The following ATRNL1 variants were observed in gnomAD, a reference collection of about 807,000 sequenced individuals.
ATRNL1 encodes the protein attractin-like protein 1.
Under a neutral mutation model 182.7 loss-of-function variants are expected in ATRNL1, and 95 were observed. The ratio of observed to expected loss-of-function variants is 0.52; its 90% CI spans 0.44 to 0.62. The LOEUF is 0.62. ATRNL1 is among the 20% of genes least tolerant of loss of function. The pLI is 0.00. For synonymous variants in ATRNL1, 576 were observed against 568.3 expected (o/e 1.01, Z -0.19); for missense variants, 1,471 against 1,679.5 (o/e 0.88, Z 2.17).
chr10:115,406,610 A>C (rs1554958331), intron 20 of ATRNL1, among the ~76,000 whole-genome samples: 1 of 152,112 alleles, frequency 6.6e-6, no homozygotes, highest in African/African-American at 2.4e-5. Flanking sequence ...TTAGTTCTTA[A>C]AAGTTTATTA....
intron 28 of ATRNL1, among the ~76,000 whole-genome samples, chr10:115,866,903 G>C (rs1951451776): frequency 6.6e-6 from 1 of 152,068 alleles, no homozygotes; most frequent in African/African-American, 2.4e-5. Flanking sequence ...TCTCGTAATT[G>C]GTAAATTTAC....
intron 28 of ATRNL1, among the ~76,000 whole-genome samples, chr10:115,856,676 A>T (rs1476795): frequency 6.6e-6 from 1 of 151,908 alleles, no homozygotes; most frequent in Non-Finnish European, 1.5e-5. Flanking sequence ...AAGAGTTTGC[A>T]GCCTAGATCC....
chr10:115,563,786 A>G (rs1853908849), intron 26 of ATRNL1, among the ~76,000 whole-genome samples: 1 of 152,128 alleles, frequency 6.6e-6, no homozygotes, highest in African/African-American at 2.4e-5. Flanking sequence ...TAATTCAACC[A>G]CATTGTAAGG....
chr10:115,485,618 A>T (rs1389197376), intron 24 of ATRNL1, among the ~76,000 whole-genome samples: 1 of 152,020 alleles, frequency 6.6e-6, no homozygotes, highest in Non-Finnish European at 1.5e-5. Context: ...TCCTTTAACC[A>T]GTGTCCCTCC....
chr10:115,907,399 T>C (rs1952536994), intron 28 of ATRNL1, among the ~76,000 whole-genome samples: 1 of 152,328 alleles, frequency 6.6e-6, no homozygotes, highest in African/African-American at 2.4e-5. Flanking sequence ...TGCTATTTCG[T>C]CTCACAGGAC....
At chr10:115,209,917 C>T (rs1255303305) in intron 8 of ATRNL1, among the ~76,000 whole-genome samples, 2 of 151,970 alleles carry the variant, frequency 1.3e-5, no homozygotes, top group Admixed American at 1.3e-4. Flanking sequence ...TCACCTGAAA[C>T]TACTATACCA....
At chr10:115,456,229 C>T (rs943406948) in intron 21 of ATRNL1, among the ~76,000 whole-genome samples, 1 of 152,098 alleles carries the variant, frequency 6.6e-6, no homozygotes, top group Non-Finnish European at 1.5e-5. Flanking sequence ...AGGCTTGGAA[C>T]CAACCCAAAT....
chr10:115,772,577 A>G (rs1565365558), intron 27 of ATRNL1, among the ~76,000 whole-genome samples: 1 of 138,362 alleles, frequency 7.2e-6, no homozygotes, highest in East Asian at 2.4e-4. Context: ...CTGTATAAAT[A>G]TACAAAATAT....
chr10:115,170,822 T>C (rs1405204716), intron 7 of ATRNL1, among the ~76,000 whole-genome samples: 1 of 152,040 alleles, frequency 6.6e-6, no homozygotes, highest in Non-Finnish European at 1.5e-5. Flanking sequence ...AAAGTAGCTT[T>C]TTGAAAGCTT....
At chr10:115,530,201 T>C (rs1327387702) in intron 25 of ATRNL1, among the ~76,000 whole-genome samples, 2 of 152,200 alleles carry the variant, frequency 1.3e-5, no homozygotes, top group African/African-American at 4.8e-5. Flanking sequence ...TGTAAGTTTT[T>C]ATGTGGATAT....
chr10:115,475,320 A>G (rs1179827486), intron 24 of ATRNL1, among the ~76,000 whole-genome samples: 4 of 151,528 alleles, frequency 2.6e-5, no homozygotes, highest in Non-Finnish European at 5.9e-5. Flanking sequence ...TATCATTTAT[A>G]TGCATTATGT....
Position 115,513,373 on chromosome 10 carries a change from A to G in ATRNL1, c.3655-5890A>G, listed in dbSNP as rs1012321757. The stretch of plus-strand genomic sequence containing the variant: ...ACCCACGTGAGTAGTAGAAGACAGG[A>G]TATTTTTCATGTTCTTTTTTCTCAT... On this transcript the variant is annotated intron_variant, in intron 24 of 28. Transcript: ENST00000355044. Among the ~76,000 whole-genome samples the G allele has an allele frequency of 2.0e-5, 3 of 151,968 alleles. No individual in the cohort carries two copies. The South Asian group carries it at 6.2e-4, about 31-fold the overall frequency.
chr10:115,389,573 T>C (rs1346120474), intron 19 of ATRNL1, among the ~76,000 whole-genome samples: 2 of 119,250 alleles, frequency 1.7e-5, no homozygotes, highest in East Asian at 4.9e-4. Flanking sequence ...TATATATATA[T>C]ATATATATAT....
intron 27 of ATRNL1, among the ~76,000 whole-genome samples, chr10:115,828,317 C>CA (rs59894129): frequency 9.9e-4 from 145 of 146,498 alleles, no homozygotes; most frequent in African/African-American, 3.4e-3. Context: ...AACTCCGTCT[C>CA]AAAAAAAAAG....
At chr10:115,547,917 T>C (rs1019035629) in intron 25 of ATRNL1, among the ~76,000 whole-genome samples, 5 of 152,344 alleles carry the variant, frequency 3.3e-5, no homozygotes, top group South Asian at 2.1e-4. Context: ...CTTGTATGGT[T>C]GGAAAGGTTA....
At chr10:115,299,608 A>G (rs1258796440) in intron 15 of ATRNL1, among the ~76,000 whole-genome samples, 1 of 152,142 alleles carries the variant, frequency 6.6e-6, no homozygotes, top group East Asian at 1.9e-4. Flanking sequence ...TAGTTTCACA[A>G]TGCAGATAAT....
chr10:115,834,535 A>T (rs1555094789), intron 27 of ATRNL1, among the ~76,000 whole-genome samples: 2 of 152,008 alleles, frequency 1.3e-5, no homozygotes, highest in African/African-American at 4.8e-5. Flanking sequence ...AAACCTCTAT[A>T]TTTTATTGGA....
chr10:115,183,783 G>A (rs529835450), intron 8 of ATRNL1, among the ~76,000 whole-genome samples: 1 of 151,516 alleles, frequency 6.6e-6, no homozygotes, highest in East Asian at 1.9e-4. Context: ...GAATGATAAA[G>A]GAAGGAAACT....
chr10:115,526,159 C>G (rs960792671), intron 25 of ATRNL1, among the ~76,000 whole-genome samples: 4 of 152,136 alleles, frequency 2.6e-5, no homozygotes, highest in African/African-American at 9.7e-5. Flanking sequence ...TTCATATATT[C>G]CTATTCCATA....
Sources: gnomAD v4.1 joint callset for allele counts (sites outside exome capture counted in the v4.1 genomes callset) on GRCh38, gnomAD v4.1.1 for gene constraint, MANE v1.5 for transcripts, NCBI Gene and HGNC (gene_info 2026-07-23, HGNC 2026-07-21) for gene names.